The following ANK3 variants were observed in gnomAD, a reference collection of about 807,000 sequenced individuals.
ANK3 encodes the protein ankyrin-3.
In ANK3, 57 loss-of-function variants were observed where a neutral mutation model predicts 370.9. That is an observed-to-expected ratio of 0.15 (90% CI 0.12 to 0.19). ANK3 has a LOEUF of 0.19. ANK3 is among the 10% of genes least tolerant of loss of function. ANK3 has a pLI of 1.00. For missense variants in ANK3, 4,439 were observed against 5,302.1 expected, an observed-to-expected ratio of 0.84 and a Z score of 5.06; for synonymous variants, 1,929 against 1,946.3, an observed-to-expected ratio of 0.99 and a Z score of 0.23.
At chr10:60,595,321 AG>A (rs1432541403) in intron 2 of ANK3, among the ~76,000 whole-genome samples, 1 of 152,128 alleles carries the variant, frequency 6.6e-6, no homozygotes, top group Non-Finnish European at 1.5e-5. Context: ...TTTGGAGGCT[AG>A]GGTTTTTGAA....
chr10:60,505,949 A>G (rs545348034), intron 2 of ANK3, among the ~76,000 whole-genome samples: 4 of 152,120 alleles, frequency 2.6e-5, no homozygotes, highest in Admixed American at 1.3e-4. Flanking sequence ...AAATTTGTCC[A>G]GCCAGCCCTC....
In ANK3 at chr10:60,109,038, T is replaced by C; in HGVS notation, c.2965A>G (p.Met989Val). 1 of 1,613,144 alleles carries C rather than the reference T, an allele frequency of 6.2e-7. No individual in the cohort carries two copies. The highest frequency in any genetic ancestry group is 8.5e-7 in the Non-Finnish European group (1 of 1,179,938). Residue 989 changes from methionine (M) to valine (V), a missense_variant, in exon 27 of 44, where the codon ATG (methionine) becomes GTG (valine). By Grantham distance (21) the Met-to-Val change is conservative (BLOSUM62 1). Transcript: ENST00000280772. ...PIHSGFLVSF[M>V]VDARGGSMRG... ...ATGGAGCCCCCTCTCGCGTCCACCA[T>C]AAAGCTAACCAGAAACCTGAGGGGA...
chr10:60,442,302 G>T (rs549058119), intron 2 of ANK3, among the ~76,000 whole-genome samples: 1 of 151,802 alleles, frequency 6.6e-6, no homozygotes, highest in South Asian at 2.1e-4. Context: ...CACAAAATTG[G>T]TCAGGCTGAT....
rs137932450 is a variant in ANK3, at chr10:60,530,819, G to C, written c.96+84367C>G. 3.9e-5 allele frequency among the ~76,000 whole-genome samples: 6 copies of C among 152,210 alleles called. No individual in the cohort carries two copies. In the East Asian group the frequency reaches 7.7e-4, roughly 20 times the overall value. On this transcript the variant is annotated intron_variant, in intron 2 of 43. Coordinates refer to the ANK3 transcript ENST00000373827. ...GATGCTGTTTTGTGTGGTGGATGTG[G>C]GGGTTGGGTGGGGGACATATCCACC...
chr10:60,170,855 A>C (rs1174744670), intron 21 of ANK3, among the ~76,000 whole-genome samples: 1 of 152,128 alleles, frequency 6.6e-6, no homozygotes, highest in African/African-American at 2.4e-5. Flanking sequence ...AAATTTTGTA[A>C]TGGGTGAGAA....
intron 8 of ANK3, among the ~76,000 whole-genome samples, chr10:60,216,690 C>T (rs2096942680): frequency 6.6e-6 from 1 of 152,180 alleles, no homozygotes; most frequent in African/African-American, 2.4e-5. Flanking sequence ...AGGATTTTCT[C>T]ATCGATGTTC....
At chr10:60,122,201 T>C (rs2093521717) in intron 25 of ANK3, among the ~76,000 whole-genome samples, 1 of 152,240 alleles carries the variant, frequency 6.6e-6, no homozygotes, top group African/African-American at 2.4e-5. Context: ...CCCCTTTATA[T>C]TCATTTTAGC....
At chr10:60,092,308 T>C (rs974136327) in intron 28 of ANK3, among the ~76,000 whole-genome samples, 37 of 152,190 alleles carry the variant, frequency 2.4e-4, no homozygotes, top group African/African-American at 8.9e-4. Context: ...GGTCCCCCTG[T>C]CCCTTCACTA....
At chr10:60,346,263 T>G (rs2055456139) in intron 1 of ANK3, among the ~76,000 whole-genome samples, 1 of 151,400 alleles carries the variant, frequency 6.6e-6, no homozygotes, top group Non-Finnish European at 1.5e-5. Context: ...TTTGTGTACA[T>G]GAATATGTAA....
Position 60,075,870 on chromosome 10 carries a change from T to C in ANK3, c.5011A>G (p.Ile1671Val). 3.1e-6 allele frequency: 5 copies of C among 1,614,176 alleles called. No individual in the cohort carries two copies. The highest frequency in any genetic ancestry group is 4.2e-6 in the Non-Finnish European group (5 of 1,180,018). The change falls in exon 37 of 44, where the codon ATA (isoleucine) becomes GTA (valine). Residue 1671 changes from isoleucine to valine, a missense_variant. Ile to Val is a conservative substitution (Grantham distance 29). Coordinates refer to ENST00000280772, the MANE Select transcript of ANK3 (RefSeq NM_020987.5). The part of the protein sequence containing the change: ...KSIITSAAPL[I>V]SSPLKSVVSP... The stretch of plus-strand genomic sequence containing the variant: ...ACCACTGACTTTAAAGGTGAAGATA[T>C]TAGCGGTGCTGCTGATGTAATAATT...
chr10:60,179,300 A>C (rs945487836), intron 18 of ANK3, among the ~76,000 whole-genome samples: 1 of 152,226 alleles, frequency 6.6e-6, no homozygotes, highest in Non-Finnish European at 1.5e-5. Flanking sequence ...AAGGAAAATA[A>C]CTTGTAAAGG....
chr10:60,150,927 G>T (rs774303152), intron 23 of ANK3, among the ~76,000 whole-genome samples: 3 of 152,164 alleles, frequency 2.0e-5, no homozygotes, highest in Admixed American at 6.5e-5. Context: ...CGAGTAGAAA[G>T]TCTAAGGTAA....
At chr10:60,408,720 T>A (rs1003204531) in intron 2 of ANK3, among the ~76,000 whole-genome samples, 1 of 152,162 alleles carries the variant, frequency 6.6e-6, no homozygotes, top group African/African-American at 2.4e-5. Flanking sequence ...CAAAGTGCTA[T>A]CTCAAGAGAT....
chr10:60,407,430 T>C (rs912197688), intron 2 of ANK3, among the ~76,000 whole-genome samples: 15 of 152,188 alleles, frequency 9.9e-5, no homozygotes, highest in Admixed American at 3.3e-4. Context: ...TAATATATCA[T>C]TGGACAAAGT....
chr10:60,305,031 G>A (rs1189742273), intron 1 of ANK3, among the ~76,000 whole-genome samples: 1 of 152,192 alleles, frequency 6.6e-6, no homozygotes, highest in African/African-American at 2.4e-5. Flanking sequence ...GGCACAGTGG[G>A]TGGGGGAGAT....
chr10:60,675,652 A>G (rs2079115309), intron 1 of ANK3, among the ~76,000 whole-genome samples: 1 of 152,248 alleles, frequency 6.6e-6, no homozygotes, highest in Non-Finnish European at 1.5e-5. Context: ...TTGAGTGGTT[A>G]CTTTCTGAAA....
chr10:60,052,952 A>T (rs1182746185), intron 42 of ANK3, among the ~76,000 whole-genome samples: 1 of 152,160 alleles, frequency 6.6e-6, no homozygotes, highest in East Asian at 1.9e-4. Flanking sequence ...TAAACTTGAC[A>T]AGTATTTTAA....
intron 1 of ANK3, among the ~76,000 whole-genome samples, chr10:60,370,554 ATACT>A (rs1168500140): frequency 6.6e-6 from 1 of 152,338 alleles, no homozygotes; most frequent in African/African-American, 2.4e-5. Flanking sequence ...AATCCAACAA[ATACT>A]TACAGCGCAG....
intron 1 of ANK3, among the ~76,000 whole-genome samples, chr10:60,303,630 A>C (rs548549315): frequency 6.6e-6 from 1 of 152,334 alleles, no homozygotes. Flanking sequence ...ACCCTGGTAC[A>C]CTGTTGATTG....
Sources: gnomAD v4.1 joint callset for allele counts (sites outside exome capture counted in the v4.1 genomes callset) on GRCh38, gnomAD v4.1.1 for gene constraint, MANE v1.5 for transcripts, NCBI Gene and HGNC (gene_info 2026-07-23, HGNC 2026-07-21) for gene names.